The following ABHD3 variants were observed in gnomAD, a reference collection of about 807,000 sequenced individuals.
ABHD3 encodes the protein phospholipase ABHD3.
In ABHD3, 46 loss-of-function variants were observed where a neutral mutation model predicts 48.8. The ratio of observed to expected loss-of-function variants is 0.94; its 90% CI spans 0.74 to 1.20. The LOEUF (loss-of-function observed/expected upper bound fraction) is 1.20. Among genes scored for constraint, ABHD3 ranks in the 50% most tolerant of loss-of-function variants. ABHD3 has a pLI of 0.00. For synonymous variants in ABHD3, 192 were observed against 183.7 expected (o/e 1.04, Z -0.36); for missense variants, 490 against 497.8 (o/e 0.98, Z 0.15).
chr18:21,696,593 C>G (rs1269420425), intron 3 of ABHD3, among the ~76,000 whole-genome samples: 1 of 152,168 alleles, frequency 6.6e-6, no homozygotes. Flanking sequence ...GGTAAAGTTT[C>G]TAACTACTTT....
chr18:21,680,173 C>T (rs1382377079), intron 4 of ABHD3, among the ~76,000 whole-genome samples: 1 of 151,884 alleles, frequency 6.6e-6, no homozygotes, highest in Non-Finnish European at 1.5e-5. Flanking sequence ...GTCACTACAC[C>T]TGGCTAATTT....
chr18:21,655,286 T>G (rs1478792604), intron 8 of ABHD3, among the ~76,000 whole-genome samples: 1 of 124,784 alleles, frequency 8.0e-6, no homozygotes, highest in East Asian at 2.0e-4. Context: ...GAGAAAAAGT[T>G]TTTTTTTTTT....
chr18:21,699,806 T>A (rs1257090860), intron 3 of ABHD3, among the ~76,000 whole-genome samples: 1 of 151,750 alleles, frequency 6.6e-6, no homozygotes. Flanking sequence ...GCCTCCCGAG[T>A]AACTGGGATT....
intron 4 of ABHD3, among the ~76,000 whole-genome samples, chr18:21,677,361 A>ATT (rs564576359): frequency 1.4e-5 from 2 of 139,678 alleles, no homozygotes; most frequent in Non-Finnish European, 1.6e-5. Context: ...CGCCTGGCAA[A>ATT]TTTTTTTTTT....
chr18:21,656,870 G>C lies in ABHD3; in HGVS notation c.1048C>G (p.Pro350Ala). 6.3e-7 allele frequency: 1 copy of C among 1,595,504 alleles called. No homozygotes were observed. The highest frequency in any genetic ancestry group is 1.1e-5 in the South Asian group (1 of 88,656). Residue 350 changes from proline (P) to alanine (A), a missense_variant, in exon 8 of 9, where the codon CCC becomes GCC. Transcript: ENST00000289119. The stretch of plus-strand genomic sequence containing the variant: ...AATATGTTAATTTTACCATGACTGG[G>C]TGAGAAAACATCATCCACAGAATTT... ...CLNSVDDVFS[P>A]SHAIPIETAK...
chr18:21,683,513 G>A, intron 4 of ABHD3: 1 of 512,584 alleles, frequency 2.0e-6, no homozygotes, highest in Non-Finnish European at 4.0e-6. Flanking sequence ...AATGTGTTTT[G>A]CATTAAAAAT....
Position 21,664,099 on chromosome 18 carries a change from T to C in ABHD3, c.668+19A>G. 2 of 1,597,666 alleles carry C rather than the reference T, an allele frequency of 1.3e-6. No individual in the cohort carries two copies. Among genetic ancestry groups the C allele is most frequent in the Non-Finnish European group, 1.7e-6 (2 of 1,175,936 alleles). Reference sequence around the variant, plus strand: ...ATAGCTTCCCTCTCAGAGATTATTTTAGAAAGGGAAAACCTTACCCTCCCA... The same window carrying C: ...ATAGCTTCCCTCTCAGAGATTATTTCAGAAAGGGAAAACCTTACCCTCCCA... On this transcript the variant is annotated intron_variant, in intron 5 of 8. Transcript: ENST00000289119.
chr18:21,672,057 T>C (rs1038223617), intron 4 of ABHD3, among the ~76,000 whole-genome samples: 2 of 152,214 alleles, frequency 1.3e-5, no homozygotes, highest in Non-Finnish European at 2.9e-5. Context: ...ATATTTTATA[T>C]TTACCTATGG....
chr18:21,680,712 G>T (rs1568152564), intron 4 of ABHD3, among the ~76,000 whole-genome samples: 1 of 152,148 alleles, frequency 6.6e-6, no homozygotes, highest in Non-Finnish European at 1.5e-5. Flanking sequence ...CTTATGGGCT[G>T]AAAATTACTG....
At chr18:21,657,270 A>T in intron 6 of ABHD3, 118 bp from the exon 7 acceptor site, 1 of 813,846 alleles carries the variant, frequency 1.2e-6, no homozygotes, top group Non-Finnish European at 1.9e-6. Flanking sequence ...GGCACTCAAT[A>T]AATATTTGCT....
intron 4 of ABHD3, among the ~76,000 whole-genome samples, chr18:21,679,281 A>T (rs2039955453): frequency 6.6e-6 from 1 of 152,228 alleles, no homozygotes; most frequent in Admixed American, 6.5e-5. Flanking sequence ...TTATCAAGGG[A>T]TCTAAATATC....
At chr18:21,692,170 G>A (rs747644224) in intron 3 of ABHD3, among the ~76,000 whole-genome samples, 25 of 152,020 alleles carry the variant, frequency 1.6e-4, no homozygotes, top group Non-Finnish European at 3.2e-4. Flanking sequence ...GGCTGGTCTC[G>A]AACTCCTGAC....
At chr18:21,690,618 T>C (rs1373715946) in intron 3 of ABHD3, among the ~76,000 whole-genome samples, 1 of 150,808 alleles carries the variant, frequency 6.6e-6, no homozygotes. Context: ...AACAAAAAAA[T>C]CCACCACATT....
chr18:21,661,507 C>T (rs1033198984), intron 5 of ABHD3, among the ~76,000 whole-genome samples: 4 of 151,638 alleles, frequency 2.6e-5, no homozygotes, highest in Admixed American at 6.6e-5. Context: ...GGTGGGCGCC[C>T]GTAATCCTAG....
chr18:21,657,291 C>T (rs558209518), intron 6 of ABHD3, 139 bp from the exon 7 acceptor site: 25 of 667,318 alleles, frequency 3.7e-5, no homozygotes, highest in African/African-American at 3.6e-4. Context: ...TAATCAGGTA[C>T]GGCAGGATTA....
At chr18:21,672,281 G>A (rs1383758541) in intron 4 of ABHD3, among the ~76,000 whole-genome samples, 1 of 152,106 alleles carries the variant, frequency 6.6e-6, no homozygotes, top group Non-Finnish European at 1.5e-5. Flanking sequence ...TCTTGGAGGA[G>A]ATTAATTTGC....
chr18:21,663,624 C>A, intron 5 of ABHD3: 1 of 1,514,954 alleles, frequency 6.6e-7, no homozygotes, highest in Non-Finnish European at 8.9e-7. Flanking sequence ...TAGGAGAGCA[C>A]TCCACAGTAG....
Position 21,651,618 on chromosome 18 carries a change from C to T in ABHD3, c.1203G>A (p.Met401Ile). Residue 401 changes from methionine to isoleucine, a missense_variant, in exon 9 of 9, where the codon ATG becomes ATA. By Grantham distance (10) the Met-to-Ile change is conservative. Transcript: ENST00000289119. ...DRVFKQFVQA[M>I]VEHGHELS ...AAGAGAGTTCATGTCCATGCTCAAC[C>T]ATGGCTTGCACAAATTGCTTGAAGA... 6.2e-7 allele frequency: 1 copy of T among 1,614,090 alleles called. No individual in the cohort carries two copies.
In ABHD3 at chr18:21,663,911, C is replaced by T. The variant is rs555823822; in HGVS notation, c.668+207G>A. 40 of 1,432,210 alleles carry T rather than the reference C, an allele frequency of 2.8e-5. No homozygotes were observed. In the South Asian group the frequency reaches 6.0e-4, roughly 21 times the overall value. 88.7% of individuals were successfully genotyped at this position (1,432,210 alleles called of 1,614,324 possible). A position where few individuals can be genotyped will look rare whatever the true frequency, so the allele number is the denominator to read the frequency against. ...TCACAAAATCCGCAGTCACAGAGACCCGTAGTTAAGAAAAATATTAAAATT... is the reference window on the plus strand; with the variant it reads ...TCACAAAATCCGCAGTCACAGAGACTCGTAGTTAAGAAAAATATTAAAATT... On this transcript the variant is annotated intron_variant, in intron 5 of 8. Transcript: ENST00000289119.
Sources: gnomAD v4.1 joint callset for allele counts (sites outside exome capture counted in the v4.1 genomes callset) on GRCh38, gnomAD v4.1.1 for gene constraint, MANE v1.5 for transcripts, NCBI Gene and HGNC (gene_info 2026-07-23, HGNC 2026-07-21) for gene names.